CAMTA1: variants seen among roughly 807,000 people sequenced by gnomAD.
The protein encoded by CAMTA1 is calmodulin-binding transcription activator 1.
A neutral mutation model predicts 170.9 loss-of-function variants in CAMTA1; 27 were observed. That is an observed-to-expected ratio of 0.16 (90% CI 0.12 to 0.22). CAMTA1 has a LOEUF of 0.22. Among genes scored for constraint, CAMTA1 ranks in the 10% least tolerant of loss-of-function variants. The pLI, the probability that CAMTA1 is intolerant of heterozygous loss-of-function variation, is 1.00. For synonymous variants in CAMTA1, 833 were observed against 891.5 expected, an observed-to-expected ratio of 0.93 and a Z score of 1.17; for missense variants, 1,619 against 2,217.2, an observed-to-expected ratio of 0.73 and a Z score of 5.42.
rs775617073 is a variant in CAMTA1 at position 7,251,372 on chromosome 1, T to C, written c.438+1746T>C. Among the ~76,000 whole-genome samples, 4 of 152,202 alleles carry C rather than the reference T, an allele frequency of 2.6e-5. No individual in the cohort carries two copies. The highest frequency in any genetic ancestry group is 6.5e-5 in the Admixed American group (1 of 15,284). ...TTTGGAGTTATTTGTGTGCTCATACTTGCAGGCAACAGTCTGTCCCCTCAG... is the reference window on the plus strand; with the variant it reads ...TTTGGAGTTATTTGTGTGCTCATACCTGCAGGCAACAGTCTGTCCCCTCAG... On this transcript the variant is annotated intron_variant, in intron 5 of 22. Transcript: ENST00000303635. This position sits in a 1 kb window ranked among gnomAD's most constrained non-coding sequence, Gnocchi z 5.1.
chr1:7,161,818 G>T (rs912077252), intron 4 of CAMTA1, among the ~76,000 whole-genome samples: 4 of 152,200 alleles, frequency 2.6e-5, no homozygotes, highest in African/African-American at 9.7e-5. Flanking sequence ...GACGGGCAAG[G>T]GTCTCATTCT....
intron 4 of CAMTA1, among the ~76,000 whole-genome samples, chr1:7,161,776 T>C (rs1647252961): frequency 6.6e-6 from 1 of 152,190 alleles, no homozygotes; most frequent in Non-Finnish European, 1.5e-5. Context: ...AAGGGCCCAT[T>C]CCATCCGGGC....
chr1:7,577,493 GC>G (rs1373075858), intron 6 of CAMTA1, among the ~76,000 whole-genome samples: 1 of 152,034 alleles, frequency 6.6e-6, no homozygotes, highest in African/African-American at 2.4e-5. Context: ...TCACTCACCA[GC>G]CGGCCTGGAA....
intron 3 of CAMTA1, among the ~76,000 whole-genome samples, chr1:6,921,448 C>G (rs2149324152): frequency 6.6e-6 from 1 of 152,324 alleles, no homozygotes; most frequent in South Asian, 2.1e-4. Context: ...GTTTTCCTGT[C>G]TTCTTCTGAG....
chr1:6,989,859 T>G (rs1379500373), intron 3 of CAMTA1, among the ~76,000 whole-genome samples: 2 of 151,524 alleles, frequency 1.3e-5, no homozygotes, highest in Non-Finnish European at 2.9e-5. Context: ...TTGCCATTAT[T>G]TACTGACCTT....
At chr1:7,027,576 G>A (rs994936424) in intron 3 of CAMTA1, among the ~76,000 whole-genome samples, 1 of 152,202 alleles carries the variant, frequency 6.6e-6, no homozygotes, top group Non-Finnish European at 1.5e-5. Flanking sequence ...CGCCCTGGCT[G>A]GTAGTGTTTG....
chr1:6,946,480 T>C (rs1687598914), intron 3 of CAMTA1, among the ~76,000 whole-genome samples: 1 of 152,294 alleles, frequency 6.6e-6, no homozygotes, highest in African/African-American at 2.4e-5. Context: ...GGATAAGCCA[T>C]CTTAACTAGA....
At chr1:7,056,322 T>A (rs937871021) in intron 3 of CAMTA1, among the ~76,000 whole-genome samples, 1 of 152,160 alleles carries the variant, frequency 6.6e-6, no homozygotes, top group African/African-American at 2.4e-5. Flanking sequence ...ATATTTTCAA[T>A]AATTTATTTT....
chr1:7,239,854 A>G (rs1307220388), intron 4 of CAMTA1, among the ~76,000 whole-genome samples: 1 of 151,942 alleles, frequency 6.6e-6, no homozygotes, highest in Non-Finnish European at 1.5e-5. Flanking sequence ...TGGAAGGGCA[A>G]GAGAGGGCAA....
intron 3 of CAMTA1, among the ~76,000 whole-genome samples, chr1:6,890,219 C>T (rs530867268): frequency 1.4e-3 from 215 of 152,308 alleles, no homozygotes; most frequent in African/African-American, 5.0e-3. Flanking sequence ...CTCCATTAAG[C>T]CATGGCCCTG....
chr1:6,788,158 TCTCCCTCCCTCC>T lies in CAMTA1; in HGVS notation c.45+2598_45+2609del, dbSNP rs111997145. On this transcript the variant is annotated intron_variant, in intron 1 of 22. Coordinates refer to ENST00000303635, the MANE Select transcript of CAMTA1 (RefSeq NM_015215.4). ...TAGTCAGGTGCTTTGCCTCCTCAGG[TCTCCCTCCCTCC>T]CTCCCTCCCTCCCTTTCTCCCTCTT... Among the ~76,000 whole-genome samples the T allele has an allele frequency of 3.3e-5, 5 of 150,088 alleles. No individual in the cohort carries two copies. In the East Asian group the frequency reaches 7.8e-4, roughly 23 times the overall value.
rs116089101 is a variant in CAMTA1, at chr1:7,715,193, G to A, written c.2915-17255G>A. ...GCCCGGGGGAATGGGCTGGGACAGG[G>A]AAGGAAAATCAGGAAAAGGGGGGAA... On this transcript the variant is annotated intron_variant, in intron 11 of 22. Transcript: ENST00000303635. 7.4e-3 allele frequency among the ~76,000 whole-genome samples: 1,128 copies of A among 152,160 alleles called. 13 individuals are homozygous for A. Among genetic ancestry groups the A allele is most frequent in the African/African-American group, 0.026 (1,062 of 41,450 alleles).
At chr1:7,353,518 C>A (rs2084857711) in intron 5 of CAMTA1, among the ~76,000 whole-genome samples, 4 of 151,652 alleles carry the variant, frequency 2.6e-5, no homozygotes, top group Non-Finnish European at 5.9e-5. Flanking sequence ...CTCCGCCTCC[C>A]AGGATCAAGC....
intron 3 of CAMTA1, among the ~76,000 whole-genome samples, chr1:7,078,474 C>T (rs1024976070): frequency 7.2e-5 from 11 of 152,196 alleles, no homozygotes; most frequent in Admixed American, 2.6e-4. Flanking sequence ...TGTATCTCTA[C>T]GGGCTTACGA....
chr1:6,937,392 TATC>T (rs1171713757), intron 3 of CAMTA1, among the ~76,000 whole-genome samples: 61 of 2,406 alleles, frequency 0.025, no homozygotes, highest in African/African-American at 0.072. Flanking sequence ...TTACCACCAC[TATC>T]ATCACCATCA....
At position 6,831,115 on chromosome 1, in the gene CAMTA1, G is replaced by T. The variant is rs112738927; in HGVS notation, c.234+5905G>T. On this transcript the variant is annotated intron_variant, in intron 3 of 22. Transcript: ENST00000303635. ...TTACGGACGTGAGCCATCGCGCCCGGCCCGATAGTTTTGATTCTTAATGAC... is the reference window on the plus strand; with the variant it reads ...TTACGGACGTGAGCCATCGCGCCCGTCCCGATAGTTTTGATTCTTAATGAC... Among the ~76,000 whole-genome samples, 15 of 152,224 alleles carry T rather than the reference G, an allele frequency of 9.9e-5. 1 individual carries two copies. Among genetic ancestry groups the T allele is most frequent in the African/African-American group, 3.1e-4 (13 of 41,528 alleles).
Position 7,547,996 on chromosome 1 carries a change from A to C in CAMTA1, c.510+80095A>C, listed in dbSNP as rs1410181692. 6.6e-6 allele frequency among the ~76,000 whole-genome samples: 1 copy of C among 152,222 alleles called. No homozygotes were observed. The highest frequency in any genetic ancestry group is 1.9e-4 in the East Asian group (1 of 5,196). ...TTGATTAGTAATGTCTGCCATGAACAGAGGGACAGGAAGGGTTCCTGCCAC... is the reference window on the plus strand; with the variant it reads ...TTGATTAGTAATGTCTGCCATGAACCGAGGGACAGGAAGGGTTCCTGCCAC... On this transcript the variant is annotated intron_variant, in intron 6 of 22. Coordinates refer to ENST00000303635, the MANE Select transcript of CAMTA1 (RefSeq NM_015215.4). This position sits in a 1 kb window ranked among gnomAD's most constrained non-coding sequence, Gnocchi z 5.7.
At chr1:7,467,362 T>C (rs935003699) in intron 5 of CAMTA1, among the ~76,000 whole-genome samples, 3 of 152,186 alleles carry the variant, frequency 2.0e-5, no homozygotes, top group African/African-American at 7.2e-5. Context: ...GTTGGGCTCG[T>C]ACCGGCCAGG....
chr1:7,099,779 C>T (rs1372895359), intron 4 of CAMTA1, among the ~76,000 whole-genome samples: 1 of 152,190 alleles, frequency 6.6e-6, no homozygotes, highest in Non-Finnish European at 1.5e-5. Flanking sequence ...TTGAGCTGGC[C>T]TGGCTGCTGG....
Sources: gnomAD v4.1 joint callset for allele counts (sites outside exome capture counted in the v4.1 genomes callset) on GRCh38, gnomAD v4.1.1 for gene constraint, Gnocchi (gnomAD v3.1) non-coding constraint, MANE v1.5 for transcripts, NCBI Gene and HGNC (gene_info 2026-07-23, HGNC 2026-07-21) for gene names.